The following WNT9A variants were observed in gnomAD, a reference collection of about 807,000 sequenced individuals.
The protein encoded by WNT9A is protein Wnt-9a.
WNT9A carries 8 observed loss-of-function variants against 31.4 expected under a neutral mutation model. The ratio of observed to expected loss-of-function variants is 0.26; its 90% CI spans 0.15 to 0.46. The LOEUF (loss-of-function observed/expected upper bound fraction) is 0.46, where lower values mean the gene tolerates loss of function less well. WNT9A is among the 20% of genes least tolerant of loss of function. WNT9A has a pLI of 0.99. For missense variants in WNT9A, 457 were observed against 522.9 expected (o/e 0.87, Z 1.23); for synonymous variants, 236 against 220.1 (o/e 1.07, Z -0.64).
intron 1 of WNT9A, among the ~76,000 whole-genome samples, chr1:227,937,884 T>C (rs1338139635): frequency 6.6e-6 from 1 of 152,226 alleles, no homozygotes; most frequent in African/African-American, 2.4e-5. Context: ...CCAGCCAGGC[T>C]TCTAGGGCCA....
intron 1 of WNT9A, among the ~76,000 whole-genome samples, chr1:227,938,126 G>C (rs189296786): frequency 1.9e-4 from 29 of 152,202 alleles, no homozygotes; most frequent in Admixed American, 1.6e-3. Flanking sequence ...TTCAGCATCT[G>C]TTCTTGCTAT....
rs112584279 is a variant in WNT9A, at chr1:227,928,237, C to T, written c.96-2718G>A. On this transcript the variant is annotated intron_variant, in intron 1 of 3. Coordinates refer to ENST00000272164, the MANE Select transcript of WNT9A (RefSeq NM_003395.4). The surrounding 1 kb of genome is among the most constrained non-coding windows in gnomAD (Gnocchi z 4.5). ...AGTGTGGCTACACCTGGAGACTTGC[C>T]GGGCAGCTGCCCTCCCCTCTGGCCC... 6.6e-6 allele frequency among the ~76,000 whole-genome samples: 1 copy of T among 151,240 alleles called. No individual in the cohort carries two copies. The highest frequency in any genetic ancestry group is 1.5e-5 in the Non-Finnish European group (1 of 67,758).
Position 227,921,408 on chromosome 1 carries a change from C to G in WNT9A, c.*110G>C. 1 of 1,495,154 alleles carries G rather than the reference C, an allele frequency of 6.7e-7. No homozygotes were observed. Among genetic ancestry groups the G allele is most frequent in the Non-Finnish European group, 9.0e-7 (1 of 1,113,946 alleles). 92.6% of individuals were successfully genotyped at this position (1,495,154 alleles called of 1,614,324 possible). ...CACACTGTGTGCAATGCCTGTACCC[C>G]ACGCAGCTGGGCTGGTCGAGCCCAG... On this transcript the variant is annotated 3_prime_UTR_variant, in exon 4 of 4. Transcript: ENST00000272164.
chr1:227,942,127 TG>T lies in WNT9A; in HGVS notation c.95+5665del, dbSNP rs1276167721. On this transcript the variant is annotated intron_variant, in intron 1 of 3. Transcript: ENST00000272164. This position sits in a 1 kb window ranked among gnomAD's most constrained non-coding sequence, Gnocchi z 5.7. ...GAAGGTCCCAGGCCAGGGCAGGCAC[TG>T]GGGCCCTCTGCAGCCTGCAGCAGGG... Among the ~76,000 whole-genome samples the T allele has an allele frequency of 1.3e-5, 2 of 152,116 alleles. No individual in the cohort carries two copies. Among genetic ancestry groups the T allele is most frequent in the African/African-American group, 4.8e-5 (2 of 41,428 alleles).
Position 227,924,376 on chromosome 1 carries a change from T to C in WNT9A, c.377A>G (p.Tyr126Cys), listed in dbSNP as rs1666381545. 1 of 1,612,374 alleles carries C rather than the reference T, an allele frequency of 6.2e-7. No homozygotes were observed. The highest frequency in any genetic ancestry group is 1.7e-5 in the Admixed American group (1 of 59,948). Residue 126 changes from tyrosine to cysteine, a missense_variant, in exon 3 of 4, where the codon TAT (tyrosine) becomes TGT (cysteine). Physicochemically the swap from Tyr to Cys is radical, Grantham distance 194. Transcript: ENST00000272164. ...CGTCAGGCCAGCCGAGGAGATGGCA[T>C]AGAGGAAGGCAGTCTCCTTGAAGCC... is the stretch of plus-strand genomic sequence containing the variant. Reference protein sequence around the residue: ...KRGFKETAFLYAISSAGLTHA... With the variant: ...KRGFKETAFLCAISSAGLTHA...
intron 1 of WNT9A, among the ~76,000 whole-genome samples, chr1:227,929,829 C>A (rs1039676887): frequency 6.6e-6 from 1 of 151,970 alleles, no homozygotes; most frequent in African/African-American, 2.4e-5. Context: ...TAAAAGGGAC[C>A]CTAGAGAGAC....
At position 227,947,904 on chromosome 1, in the gene WNT9A, G is replaced by T. The variant is rs973985066; in HGVS notation, c.-17C>A. The stretch of plus-strand genomic sequence containing the variant: ...ATCCAGCATCTTGCCGCGCCTCGGC[G>T]GCCGACCATCGCGCTCCCAGCTCCG... On this transcript the variant is annotated 5_prime_UTR_variant, in exon 1 of 4. Transcript: ENST00000272164. 2.8e-6 allele frequency: 3 copies of T among 1,058,908 alleles called. No individual in the cohort carries two copies. Among genetic ancestry groups the T allele is most frequent in the African/African-American group, 3.4e-5 (2 of 58,480 alleles). 65.6% of individuals were successfully genotyped at this position (1,058,908 alleles called of 1,614,324 possible).
At position 227,921,427 on chromosome 1, in the gene WNT9A, A is replaced by C. The variant is rs1180413315; in HGVS notation, c.*91T>G. On this transcript the variant is annotated 3_prime_UTR_variant, in exon 4 of 4. Transcript: ENST00000272164. ...GTACCCCACGCAGCTGGGCTGGTCG[A>C]GCCCAGGAACTCAGCCTGTGCAGGT... is the stretch of plus-strand genomic sequence containing the variant. 1 of 1,515,914 alleles carries C rather than the reference A, an allele frequency of 6.6e-7. No homozygotes were observed. Among genetic ancestry groups the C allele is most frequent in the African/African-American group, 1.5e-5 (1 of 68,544 alleles). 93.9% of individuals were successfully genotyped at this position (1,515,914 alleles called of 1,614,324 possible).
intron 2 of WNT9A, 129 bp from the exon 3 acceptor site, chr1:227,924,529 C>A: frequency 7.3e-7 from 1 of 1,364,732 alleles, no homozygotes. Context: ...TGGTGCTGCA[C>A]TCGGGACAGG....
intron 1 of WNT9A, among the ~76,000 whole-genome samples, chr1:227,946,617 A>G (rs192992001): frequency 6.6e-6 from 1 of 152,364 alleles, no homozygotes; most frequent in African/African-American, 2.4e-5. Flanking sequence ...GACCCAGAAG[A>G]AAGGAACAGA....
At chr1:227,924,054 G>T in intron 3 of WNT9A, 84 bp downstream of exon 3, 10 of 147,332 alleles carry the variant, frequency 6.8e-5, no homozygotes, top group South Asian at 3.1e-4. Flanking sequence ...CTGCAGCCCC[G>T]CCCCCAGTCC....
chr1:227,923,517 C>T (rs1055545881), intron 3 of WNT9A, among the ~76,000 whole-genome samples: 2 of 152,214 alleles, frequency 1.3e-5, no homozygotes, highest in African/African-American at 4.8e-5. Flanking sequence ...GCCACCCCAA[C>T]AGCCAGTGGC....
Position 227,928,754 on chromosome 1 carries a change from A to C in WNT9A, c.96-3235T>G. ...TGGGGCTCTCTTTCTGCCACACGAC[A>C]GAGCCACAGAAGGGCTGAAGAAGGG... is the stretch of plus-strand genomic sequence containing the variant. On this transcript the variant is annotated intron_variant, in intron 1 of 3. Coordinates refer to ENST00000272164, the MANE Select transcript of WNT9A (RefSeq NM_003395.4). This position sits in a 1 kb window ranked among gnomAD's most constrained non-coding sequence, Gnocchi z 4.5. 6.6e-6 allele frequency among the ~76,000 whole-genome samples: 1 copy of C among 152,210 alleles called. No homozygotes were observed. Among genetic ancestry groups the C allele is most frequent in the East Asian group, 1.9e-4 (1 of 5,182 alleles).
chr1:227,929,151 A>G (rs181947307), intron 1 of WNT9A, among the ~76,000 whole-genome samples: 8 of 152,162 alleles, frequency 5.3e-5, no homozygotes, highest in African/African-American at 1.9e-4. Context: ...ACTCAGCCCC[A>G]CTCTAAGACA....
At chr1:227,945,094 T>C (rs1033780667) in intron 1 of WNT9A, among the ~76,000 whole-genome samples, 18 of 152,160 alleles carry the variant, frequency 1.2e-4, no homozygotes, top group African/African-American at 4.3e-4. Flanking sequence ...ATCTACCATC[T>C]CAGCTGAAAC....
At position 227,922,490 on chromosome 1, in the gene WNT9A, C is replaced by T. The variant is rs184384648; in HGVS notation, c.616-490G>A. The stretch of plus-strand genomic sequence containing the variant: ...CCTAATATCGGGAACCAGGTGCTAC[C>T]GCACATGCAGACGCGACCCCCAACC... On this transcript the variant is annotated intron_variant, in intron 3 of 3. Coordinates refer to ENST00000272164, the MANE Select transcript of WNT9A (RefSeq NM_003395.4). Among the ~76,000 whole-genome samples the T allele has an allele frequency of 1.9e-3, 293 of 152,346 alleles. 1 individual carries two copies. The highest frequency in any genetic ancestry group is 6.7e-3 in the African/African-American group (280 of 41,590).
At chr1:227,940,835 G>T (rs1269376223) in intron 1 of WNT9A, among the ~76,000 whole-genome samples, 1 of 152,238 alleles carries the variant, frequency 6.6e-6, no homozygotes, top group Non-Finnish European at 1.5e-5. Context: ...ACCATGCCGG[G>T]AGGGCAACAG....
rs538749450 is a variant in WNT9A at position 227,942,624 on chromosome 1, G to C, written c.95+5169C>G. 6.6e-6 allele frequency among the ~76,000 whole-genome samples: 1 copy of C among 152,186 alleles called. No individual in the cohort carries two copies. Among genetic ancestry groups the C allele is most frequent in the South Asian group, 2.1e-4 (1 of 4,824 alleles). On this transcript the variant is annotated intron_variant, in intron 1 of 3. Coordinates refer to ENST00000272164, the MANE Select transcript of WNT9A (RefSeq NM_003395.4). The surrounding 1 kb of genome is among the most constrained non-coding windows in gnomAD (Gnocchi z 5.7). ...GTCTGCCCCACTGAGCCACTTCCAC[G>C]ATCTCTCGAAACAAGGCAGCTCCCT...
In WNT9A at chr1:227,921,637, C is replaced by T. The variant is rs1292621531; in HGVS notation, c.979G>A (p.Gly327Ser). 10 of 1,613,266 alleles carry T rather than the reference C, an allele frequency of 6.2e-6. No individual in the cohort carries two copies. The highest frequency in any genetic ancestry group is 1.3e-5 in the African/African-American group (1 of 74,910). ...KNCESICCGR[G>S]HNTQSRVVTR... ...ACCACCCGGCTCTGTGTGTTATGGC[C>T]GCGGCCACAGCAGATGCTCTCGCAG... is the stretch of plus-strand genomic sequence containing the variant. Residue 327 changes from glycine to serine, a missense_variant, in exon 4 of 4, where the codon GGC (glycine) becomes AGC (serine). Coordinates refer to ENST00000272164, the MANE Select transcript of WNT9A (RefSeq NM_003395.4).
Sources: gnomAD v4.1 joint callset for allele counts (sites outside exome capture counted in the v4.1 genomes callset) on GRCh38, gnomAD v4.1.1 for gene constraint, Gnocchi (gnomAD v3.1) non-coding constraint, MANE v1.5 for transcripts, NCBI Gene and HGNC (gene_info 2026-07-23, HGNC 2026-07-21) for gene names.